Variants in TENM3 observed in about 807,000 individuals in gnomAD.
The protein encoded by TENM3 is teneurin transmembrane protein 3.
Under a neutral mutation model 255.1 loss-of-function variants are expected in TENM3, and 63 were observed. The observed-to-expected ratio is 0.25, with a 90% CI of 0.20 to 0.30. TENM3 has a LOEUF of 0.30. Ranked by LOEUF, TENM3 falls within the 10% of genes least tolerant of loss-of-function variation. The pLI, the probability that TENM3 is intolerant of heterozygous loss-of-function variation, is 1.00. For missense variants in TENM3, 2,929 were observed against 3,461.1 expected, an observed-to-expected ratio of 0.85 and a Z score of 3.86; for synonymous variants, 1,306 against 1,322.3, an observed-to-expected ratio of 0.99 and a Z score of 0.27.
the TENM3 span, among the ~76,000 whole-genome samples, chr4:181,508,978 A>G: frequency 7.0e-6 from 1 of 143,094 alleles, no homozygotes. Flanking sequence ...AGCAGCACGT[A>G]CAGGCAATTT....
At chr4:181,921,992 C>T in the TENM3 span, among the ~76,000 whole-genome samples, 53 of 152,258 alleles carry the variant, frequency 3.5e-4, no homozygotes, top group Non-Finnish European at 6.3e-4. Context: ...TTGAGATAAT[C>T]GTGTGATTTT....
rs191827289 is a variant in TENM3 at position 182,749,076 on chromosome 4, C to T, written c.3630-2724C>T. On this transcript the variant is annotated intron_variant, in intron 19 of 27. Transcript: ENST00000511685. ...TTCGTTTTTGCACCAAGAAAACTCA[C>T]GTCCCATAGCTAAAGAGGATGCCAC... Among the ~76,000 whole-genome samples, 108 of 152,180 alleles carry T rather than the reference C, an allele frequency of 7.1e-4. 1 individual carries two copies. The highest frequency in any genetic ancestry group is 2.5e-3 in the African/African-American group (102 of 41,512).
At chr4:181,856,176 G>A in the TENM3 span, among the ~76,000 whole-genome samples, 1 of 148,832 alleles carries the variant, frequency 6.7e-6, no homozygotes, top group African/African-American at 2.5e-5. Context: ...GGGAAGGAAA[G>A]GGAAGGAAGG....
chr4:181,859,256 AAAAAAAAAAAT>A, the TENM3 span, among the ~76,000 whole-genome samples: 25 of 151,094 alleles, frequency 1.7e-4, no homozygotes, highest in South Asian at 2.1e-4. Context: ...AAAAAAAAAA[AAAAAAAAAAAT>A]CCCTCATTTT....
intron 24 of TENM3, among the ~76,000 whole-genome samples, chr4:182,787,989 A>C (rs574798406): frequency 6.6e-6 from 1 of 152,286 alleles, no homozygotes; most frequent in South Asian, 2.1e-4. Flanking sequence ...TTTATTCCAA[A>C]TTTTACAAAT....
chr4:181,663,008 G>A, the TENM3 span, among the ~76,000 whole-genome samples: 1 of 152,146 alleles, frequency 6.6e-6, no homozygotes, highest in African/African-American at 2.4e-5. Flanking sequence ...GCACACTACT[G>A]ATAAATTGGC....
In TENM3 at chr4:182,192,029, T is replaced by C. The variant is rs1402805887; in HGVS notation, c.-76+47275T>C. ...ACCTATTTTTTTTGTATGGCCTGCA[T>C]GCTAAGAATGATTTTTACACTTTTA... is the stretch of plus-strand genomic sequence containing the variant. On this transcript the variant is annotated intron_variant, in intron 1 of 2. Coordinates refer to the TENM3 transcript ENST00000512480. 2.6e-5 allele frequency among the ~76,000 whole-genome samples: 4 copies of C among 152,294 alleles called. No homozygotes were observed. In the South Asian group the frequency reaches 8.3e-4, roughly 32 times the overall value.
At chr4:182,142,043 A>G (rs867342835), upstream of TENM3, 4 of 152,282 alleles carry the variant, frequency 2.6e-5, no homozygotes, top group South Asian at 8.3e-4. Context: ...TTTCCTTACG[A>G]TCATGTCCGG....
At chr4:182,352,083 A>G (rs1383623046) in intron 3 of TENM3, among the ~76,000 whole-genome samples, 1 of 151,864 alleles carries the variant, frequency 6.6e-6, no homozygotes, top group Non-Finnish European at 1.5e-5. Flanking sequence ...ATATCAATAG[A>G]TATCTCCTCC....
the TENM3 span, among the ~76,000 whole-genome samples, chr4:181,817,380 A>G: frequency 1.3e-5 from 2 of 152,146 alleles, no homozygotes; most frequent in Admixed American, 6.5e-5. Flanking sequence ...GATAGCCAGA[A>G]ATATCTGTAG....
intron 1 of TENM3, among the ~76,000 whole-genome samples, chr4:182,204,842 A>G (rs1754443808): frequency 6.6e-6 from 1 of 152,232 alleles, no homozygotes; most frequent in African/African-American, 2.4e-5. Context: ...TACTCTTTCT[A>G]TATACAAATG....
intron 24 of TENM3, 101 bp downstream of exon 24, chr4:182,775,254 A>G: frequency 4.0e-6 from 4 of 997,558 alleles, no homozygotes; most frequent in Non-Finnish European, 6.1e-6. Flanking sequence ...CTATGTCTAC[A>G]CTGAGTATGA....
chr4:182,346,592 A>G (rs1764825473), intron 2 of TENM3, 59 bp from the exon 3 acceptor site: 1 of 1,427,946 alleles, frequency 7.0e-7, no homozygotes, highest in East Asian at 2.3e-5. Flanking sequence ...AAAAAAAAGA[A>G]AAGAAACTAA....
intron 3 of TENM3, among the ~76,000 whole-genome samples, chr4:182,540,893 T>A (rs1740821096): frequency 6.6e-6 from 1 of 152,174 alleles, no homozygotes. Context: ...CCCTGAGGAA[T>A]CAGTGTTTTG....
chr4:182,643,634 C>A (rs1387341387), intron 5 of TENM3, among the ~76,000 whole-genome samples: 3 of 152,126 alleles, frequency 2.0e-5, no homozygotes, highest in Non-Finnish European at 4.4e-5. Flanking sequence ...GGACTCCAGT[C>A]TCTTTTAATA....
In TENM3 at chr4:182,789,006, T is replaced by C. The variant is rs1765896901; in HGVS notation, c.5305-87T>C. ...TTAATTTACTGACAAAGAGAATCAA[T>C]CATCGTAAATGGTGTTTAAACAATA... On this transcript the variant is annotated intron_variant, in intron 24 of 27. Transcript: ENST00000511685. The surrounding 1 kb of genome is among the most constrained non-coding windows in gnomAD (Gnocchi z 4.4). The C allele has an allele frequency of 4.2e-6, 5 of 1,179,456 alleles. No individual in the cohort carries two copies. In the Admixed American group the frequency reaches 1.1e-4, roughly 26 times the overall value. 73.1% of individuals were successfully genotyped at this position (1,179,456 alleles called of 1,614,324 possible).
chr4:182,235,068 A>T (rs1756811249), intron 1 of TENM3, among the ~76,000 whole-genome samples: 1 of 152,112 alleles, frequency 6.6e-6, no homozygotes, highest in Non-Finnish European at 1.5e-5. Context: ...GGCCAATACA[A>T]AAAAACCACT....
chr4:181,976,291 TG>T, the TENM3 span: 1 of 152,232 alleles, frequency 6.6e-6, no homozygotes, highest in African/African-American at 2.4e-5. Context: ...GGCTAGTTTT[TG>T]TATTTTTAGT....
At chr4:182,443,978 G>C (rs1451374005) in intron 3 of TENM3, among the ~76,000 whole-genome samples, 1 of 152,188 alleles carries the variant, frequency 6.6e-6, no homozygotes, top group African/African-American at 2.4e-5. Flanking sequence ...CTTTAGAAAT[G>C]ATTTCAGATG....
Sources: allele counts gnomAD v4.1 joint callset (sites outside exome capture counted in the v4.1 genomes callset), GRCh38; gene constraint gnomAD v4.1.1; non-coding constraint Gnocchi (gnomAD v3.1); transcripts MANE v1.5; gene names NCBI Gene and HGNC (gene_info 2026-07-23, HGNC 2026-07-21).